The following ABI1 variants were observed in gnomAD, a reference collection of about 807,000 sequenced individuals.
ABI1 encodes abl interactor 1, also known as Abelson interactor 1.
In ABI1, 14 loss-of-function variants were observed where a neutral mutation model predicts 54.6. That is an observed-to-expected ratio of 0.26 (90% CI 0.17 to 0.40). ABI1 has a LOEUF of 0.40. Among genes scored for constraint, ABI1 ranks in the 10% least tolerant of loss-of-function variants. The pLI is 1.00. For synonymous variants in ABI1, 194 were observed against 209.3 expected, an observed-to-expected ratio of 0.93 and a Z score of 0.63; for missense variants, 443 against 598.3, an observed-to-expected ratio of 0.74 and a Z score of 2.71.
Position 26,810,946 on chromosome 10 carries a change from G to A in ABI1, c.285+12192C>T, listed in dbSNP as rs995889402. On this transcript the variant is annotated intron_variant, in intron 2 of 10. Transcript: ENST00000376140. ...GAAAAAGGGGAAGAGGGAGAGAGGA[G>A]GAAGGAGAAGGAAAGAAAATACAAA... is the stretch of plus-strand genomic sequence containing the variant. Among the ~76,000 whole-genome samples the A allele has an allele frequency of 4.6e-5, 7 of 151,946 alleles. No individual in the cohort carries two copies. The East Asian group carries it at 9.6e-4, about 21-fold the overall frequency.
intron 1 of ABI1, among the ~76,000 whole-genome samples, chr10:26,825,984 A>G (rs992587353): frequency 3.9e-5 from 6 of 152,146 alleles, no homozygotes; most frequent in African/African-American, 1.4e-4. Context: ...AGCATCATCC[A>G]TGAGGGCTGG....
At chr10:26,769,198 C>T (rs1436421112) in intron 5 of ABI1, among the ~76,000 whole-genome samples, 2 of 151,928 alleles carry the variant, frequency 1.3e-5, no homozygotes, top group Non-Finnish European at 2.9e-5. Context: ...TTACCTTTTC[C>T]TAGGAAAAAC....
chr10:26,784,369 T>C (rs1842478552), intron 2 of ABI1, among the ~76,000 whole-genome samples: 1 of 152,140 alleles, frequency 6.6e-6, no homozygotes, highest in South Asian at 2.1e-4. Context: ...GTGGCACAGA[T>C]AATAAACAGG....
At chr10:26,761,987 T>C (rs191158754) in intron 7 of ABI1, among the ~76,000 whole-genome samples, 4 of 152,128 alleles carry the variant, frequency 2.6e-5, no homozygotes, top group Admixed American at 2.0e-4. Flanking sequence ...AACTTCATCA[T>C]TGATCAGTAT....
At position 26,817,122 on chromosome 10, in the gene ABI1, C is replaced by T. The variant is rs547297296; in HGVS notation, c.285+6016G>A. On this transcript the variant is annotated intron_variant, in intron 2 of 10. Coordinates refer to ENST00000376140, the MANE Select transcript of ABI1 (RefSeq NM_001012750.3). ...TGAGGCGATTCTCCTGCCTTAGCCTCCTGAGTAGGTGGGATTACAGGTGCC... is the reference window on the plus strand; with the variant it reads ...TGAGGCGATTCTCCTGCCTTAGCCTTCTGAGTAGGTGGGATTACAGGTGCC... Among the ~76,000 whole-genome samples, 7 of 151,836 alleles carry T rather than the reference C, an allele frequency of 4.6e-5. No homozygotes were observed. In the East Asian group the frequency reaches 1.4e-3, roughly 29 times the overall value.
intron 2 of ABI1, among the ~76,000 whole-genome samples, chr10:26,821,427 A>G (rs2047977248): frequency 6.6e-6 from 1 of 152,118 alleles, no homozygotes; most frequent in Admixed American, 6.6e-5. Flanking sequence ...ATTAGTTTAA[A>G]AAAGAAAGAT....
At chr10:26,757,941 G>T (rs556807486) in intron 8 of ABI1, among the ~76,000 whole-genome samples, 1 of 151,504 alleles carries the variant, frequency 6.6e-6, no homozygotes. Flanking sequence ...AGTGGCAGGC[G>T]CCTGTAATCC....
intron 1 of ABI1, chr10:26,839,661 A>T: frequency 1.6e-6 from 1 of 632,046 alleles, no homozygotes; most frequent in Non-Finnish European, 2.8e-6. Context: ...TAAAAAAAAA[A>T]AAAAACATGC....
intron 1 of ABI1, among the ~76,000 whole-genome samples, chr10:26,841,774 T>C (rs1260997968): frequency 3.9e-5 from 6 of 152,188 alleles, no homozygotes; most frequent in Admixed American, 2.6e-4. Flanking sequence ...AGTATCTGCA[T>C]TTTAAGGCTG....
intron 2 of ABI1, among the ~76,000 whole-genome samples, chr10:26,807,813 C>A (rs1163211003): frequency 6.6e-6 from 1 of 152,156 alleles, no homozygotes; most frequent in Non-Finnish European, 1.5e-5. Flanking sequence ...CAAACCCAGC[C>A]GGGCATGGTG....
At chr10:26,783,390 AC>A (rs1175217429) in intron 2 of ABI1, among the ~76,000 whole-genome samples, 1 of 152,248 alleles carries the variant, frequency 6.6e-6, no homozygotes, top group Non-Finnish European at 1.5e-5. Context: ...CAACATTGTA[AC>A]TATACTTAAC....
intron 2 of ABI1, among the ~76,000 whole-genome samples, chr10:26,786,631 G>A (rs1480002646): frequency 6.6e-6 from 1 of 152,172 alleles, no homozygotes; most frequent in Non-Finnish European, 1.5e-5. Context: ...TAACTCCATA[G>A]AAGGGAAAAT....
chr10:26,788,556 T>C (rs1281931536), intron 2 of ABI1, among the ~76,000 whole-genome samples: 1 of 152,212 alleles, frequency 6.6e-6, no homozygotes, highest in Non-Finnish European at 1.5e-5. Flanking sequence ...AAATCTCCAG[T>C]TTTGCCACTG....
chr10:26,847,404 C>T (rs7919926), intron 1 of ABI1, among the ~76,000 whole-genome samples: 39,079 of 152,008 alleles, frequency 0.26, 5,723 homozygotes, highest in South Asian at 0.44. Flanking sequence ...GGCAGATCCC[C>T]TGACCCCAGG....
At chr10:26,845,613 A>C (rs2049912257) in intron 1 of ABI1, among the ~76,000 whole-genome samples, 1 of 152,172 alleles carries the variant, frequency 6.6e-6, no homozygotes, top group Admixed American at 6.5e-5. Context: ...ATTGCACTCC[A>C]TCCTGGACAA....
At chr10:26,788,263 T>C (rs1278585856) in intron 2 of ABI1, among the ~76,000 whole-genome samples, 1 of 152,228 alleles carries the variant, frequency 6.6e-6, no homozygotes, top group African/African-American at 2.4e-5. Context: ...CATGTGGAAC[T>C]ATAAGCCCAA....
rs397724445 is a variant in ABI1 at position 26,851,348 on chromosome 10, A to ATTTTTTTTT, written c.117+9390_117+9398dup. 1.2e-3 allele frequency among the ~76,000 whole-genome samples: 80 copies of ATTTTTTTTT among 67,808 alleles called. 8 individuals are homozygous for ATTTTTTTTT. The highest frequency in any genetic ancestry group is 3.0e-3 in the African/African-American group (46 of 15,544). 44.5% of individuals were successfully genotyped at this position (67,808 alleles called of 152,430 possible). ...GTAGCTGGGACTACAGACTAAGCTAATTTTTTTTTTTTTTTTTTTTTTTTT... is the reference window on the plus strand; with the variant it reads ...GTAGCTGGGACTACAGACTAAGCTAATTTTTTTTTTTTTTTTTTTTTTTTTTTTTTTTTT... On this transcript the variant is annotated intron_variant, in intron 1 of 10. Transcript: ENST00000376140.
intron 1 of ABI1, among the ~76,000 whole-genome samples, chr10:26,824,301 G>C (rs1413240237): frequency 6.6e-6 from 1 of 152,192 alleles, no homozygotes; most frequent in Non-Finnish European, 1.5e-5. Context: ...AAACTCTGAT[G>C]CACTGGTAAG....
chr10:26,771,877 C>T (rs1427853934), intron 3 of ABI1, among the ~76,000 whole-genome samples: 1 of 151,982 alleles, frequency 6.6e-6, no homozygotes, highest in African/African-American at 2.4e-5. Context: ...GACTAGCCTA[C>T]ACAACATGAA....
Sources: gnomAD v4.1 joint callset for allele counts (sites outside exome capture counted in the v4.1 genomes callset) on GRCh38, gnomAD v4.1.1 for gene constraint, MANE v1.5 for transcripts, NCBI Gene and HGNC (gene_info 2026-07-23, HGNC 2026-07-21) for gene names.